Variants in CTCFL observed in about 807,000 individuals in gnomAD.
CTCFL encodes CCCTC-binding factor like, also known as transcriptional repressor CTCFL.
Under a neutral mutation model 67.4 loss-of-function variants are expected in CTCFL, and 36 were observed. The ratio of observed to expected loss-of-function variants is 0.53; its 90% confidence interval spans 0.41 to 0.71. The LOEUF (loss-of-function observed/expected upper bound fraction) is 0.71, where lower values mean the gene tolerates loss of function less well. Among genes scored for constraint, CTCFL ranks in the 30% least tolerant of loss-of-function variants. CTCFL has a pLI of 0.00. For missense variants in CTCFL, 786 were observed against 835.2 expected (o/e 0.94, Z 0.73); for synonymous variants, 324 against 302.3 (o/e 1.07, Z -0.75).
chr20:57,503,576 T>C lies in CTCFL; in HGVS notation c.1700A>G (p.Lys567Arg). Residue 567 changes from lysine (K) to arginine (R), a missense_variant, in exon 10 of 11, where the codon AAG (lysine) becomes AGG (arginine). Physicochemically the swap from Lys to Arg is conservative, Grantham distance 26. Around this residue, in one of 3 missense-constraint regions of CTCFL, gnomAD observed 199 missense variants for 196.7 expected, o/e 1.01. Transcript: ENST00000243914. ...RWINLHRHSE[K>R]CGSGEAKSAA... is the part of the protein sequence containing the mutation. ...CGACTTTGCTTCCCCTGATCCACAC[T>C]TCTCCGAATGTCTGTGCAGGTTAAT... 6.2e-7 allele frequency: 1 copy of C among 1,614,140 alleles called. No homozygotes were observed. Among genetic ancestry groups the C allele is most frequent in the Non-Finnish European group, 8.5e-7 (1 of 1,180,030 alleles).
At chr20:57,508,867 C>A in intron 8 of CTCFL, 79 bp from the exon 9 acceptor site, 1 of 1,261,566 alleles carries the variant, frequency 7.9e-7, no homozygotes, top group Non-Finnish European at 1.1e-6. Flanking sequence ...TCATACAATA[C>A]CTTTTATTTC....
chr20:57,520,026 T>C (rs2069236509), intron 3 of CTCFL, among the ~76,000 whole-genome samples: 1 of 152,120 alleles, frequency 6.6e-6, no homozygotes, highest in Admixed American at 6.5e-5. Context: ...ACCATTTCCA[T>C]CAGCAAAAGA....
intron 3 of CTCFL, 71 bp from the exon 4 acceptor site, chr20:57,519,448 G>C: frequency 7.3e-7 from 1 of 1,368,408 alleles, no homozygotes; most frequent in Non-Finnish European, 1.0e-6. Context: ...AAGTAAATCA[G>C]CACATCGTCC....
At position 57,523,260 on chromosome 20, in the gene CTCFL, T is replaced by A; in HGVS notation, c.562A>T (p.Lys188Ter). The change falls in exon 3 of 11, where the codon AAG (lysine) becomes TAG (stop). Residue 188 changes from lysine (K) to a stop codon, truncating the protein, a stop_gained. Transcript: ENST00000243914. LOFTEE classifies it high-confidence loss of function. Reference protein sequence around the residue: ...GLIKLEEEQEKNQLLAERTKE... With the variant: ...GLIKLEEEQE ...GTTCTTTCAGCCAATAACTGGTTCTTCTCCTGCTCTTCCTCGAGCTAATAA... is the reference window on the plus strand; with the variant it reads ...GTTCTTTCAGCCAATAACTGGTTCTACTCCTGCTCTTCCTCGAGCTAATAA... The A allele has an allele frequency of 1.2e-6, 2 of 1,613,734 alleles. No homozygotes were observed. Among genetic ancestry groups the A allele is most frequent in the Non-Finnish European group, 1.7e-6 (2 of 1,179,876 alleles).
chr20:57,524,256 A>C (rs2069673057), intron 1 of CTCFL, 40 bp from the exon 2 acceptor site: 1 of 1,534,720 alleles, frequency 6.5e-7, no homozygotes, highest in Non-Finnish European at 8.8e-7. Flanking sequence ...TAGGGGGGAG[A>C]AGGGGGTGGT....
chr20:57,513,185 G>T, intron 7 of CTCFL: 1 of 933,810 alleles, frequency 1.1e-6, no homozygotes, highest in Non-Finnish European at 1.3e-6. Context: ...GTGAATTTTA[G>T]GATGATGTTA....
intron 9 of CTCFL, among the ~76,000 whole-genome samples, chr20:57,504,079 T>C (rs1448432213): frequency 1.2e-3 from 169 of 146,692 alleles, no homozygotes; most frequent in Non-Finnish European, 2.1e-3. Context: ...TGGGTTCACG[T>C]CATTCTCCTG....
chr20:57,507,382 G>A, intron 9 of CTCFL: 1 of 574,514 alleles, frequency 1.7e-6, no homozygotes, highest in Non-Finnish European at 3.1e-6. Flanking sequence ...TTTTAAAGTA[G>A]AGACAGGGTT....
At chr20:57,510,283 T>A (rs1309077309) in intron 8 of CTCFL, among the ~76,000 whole-genome samples, 1 of 152,226 alleles carries the variant, frequency 6.6e-6, no homozygotes, top group African/African-American at 2.4e-5. Flanking sequence ...GTGGCATGTA[T>A]TAGTATTTAC....
chr20:57,515,868 G>C (rs1287097173), intron 5 of CTCFL, 34 bp from the exon 6 acceptor site: 5 of 1,581,694 alleles, frequency 3.2e-6, no homozygotes, highest in Non-Finnish European at 4.3e-6. Flanking sequence ...CGTTGCAATA[G>C]AAACTAAAAA....
chr20:57,506,993 C>T, intron 9 of CTCFL: 3 of 984,598 alleles, frequency 3.0e-6, no homozygotes, highest in Non-Finnish European at 3.6e-6. Flanking sequence ...AAAAAATAGT[C>T]AACTTCAGGA....
At chr20:57,497,146 A>G (rs1457545016), downstream of CTCFL, 1 of 646,854 alleles carries the variant, frequency 1.5e-6, no homozygotes. Context: ...TTAAAGACCA[A>G]TGCTGACATA....
chr20:57,513,175 G>A (rs1437221573), intron 7 of CTCFL: 1 of 887,848 alleles, frequency 1.1e-6, no homozygotes, highest in African/African-American at 1.8e-5. Flanking sequence ...TATGGGGTAG[G>A]TGAATTTTAG....
chr20:57,515,567 T>C, intron 6 of CTCFL, 147 bp downstream of exon 6: 2 of 945,706 alleles, frequency 2.1e-6, no homozygotes, highest in Non-Finnish European at 3.3e-6. Context: ...AAGGTAAAAG[T>C]ACAGATCAAG....
intron 6 of CTCFL, chr20:57,515,108 G>C (rs1177731623): frequency 1.4e-5 from 3 of 213,562 alleles, no homozygotes; most frequent in Non-Finnish European, 2.8e-5. Flanking sequence ...TAAAGTTGAA[G>C]AATGAATTAA....
chr20:57,513,126 AC>A (rs2068674421), intron 7 of CTCFL: 1 of 362,760 alleles, frequency 2.8e-6, no homozygotes. Context: ...GTCACACTGG[AC>A]CTAAAATGTT....
At chr20:57,516,410 A>C (rs1026978510) in intron 5 of CTCFL, among the ~76,000 whole-genome samples, 1 of 152,184 alleles carries the variant, frequency 6.6e-6, no homozygotes, top group Non-Finnish European at 1.5e-5. Flanking sequence ...GGTGGCACAC[A>C]CCTGTGGTCC....
chr20:57,512,467 T>C (rs1204415753), intron 8 of CTCFL, 125 bp downstream of exon 8: 1 of 928,212 alleles, frequency 1.1e-6, no homozygotes, highest in Non-Finnish European at 1.6e-6. Context: ...TTTCTGGTTA[T>C]TCTGAATAGG....
intron 10 of CTCFL, among the ~76,000 whole-genome samples, chr20:57,502,279 C>T (rs993043745): frequency 1.3e-5 from 2 of 152,202 alleles, no homozygotes; most frequent in Non-Finnish European, 2.9e-5. Context: ...GACCCAGAAC[C>T]GACTCCACAC....
Sources: allele counts gnomAD v4.1 joint callset (sites outside exome capture counted in the v4.1 genomes callset), GRCh38; gene constraint gnomAD v4.1.1; regional missense constraint gnomAD v4.1.1; transcripts MANE v1.5; gene names NCBI Gene and HGNC (gene_info 2026-07-23, HGNC 2026-07-21).